Variants in CSMD1 observed in about 807,000 individuals in gnomAD.
CSMD1 encodes CUB and sushi domain-containing protein 1.
CSMD1 carries 213 observed loss-of-function variants against 417.5 expected under a neutral mutation model. The observed-to-expected ratio is 0.51, with a 90% confidence interval of 0.46 to 0.57. The LOEUF (loss-of-function observed/expected upper bound fraction) is 0.57. CSMD1 is among the 20% of genes least tolerant of loss of function. The probability of loss-of-function intolerance (pLI) is 0.00; values close to 1 mark genes in which losing one functional copy is unlikely to be tolerated. For missense variants in CSMD1, 6,923 were observed against 4,529.7 expected (o/e 1.53, Z -15.17); for synonymous variants, 2,862 against 1,736.8 (o/e 1.65, Z -16.11).
intron 3 of CSMD1, among the ~76,000 whole-genome samples, chr8:4,336,558 G>C (rs1000227100): frequency 6.6e-6 from 1 of 152,142 alleles, no homozygotes; most frequent in Non-Finnish European, 1.5e-5. Context: ...TTTTCTAGAT[G>C]GTTTCCAGTG....
intron 12 of CSMD1, among the ~76,000 whole-genome samples, chr8:3,452,390 G>C (rs531366654): frequency 1.3e-5 from 2 of 152,258 alleles, no homozygotes; most frequent in Admixed American, 6.5e-5. Context: ...CTCCTGTCTT[G>C]TGCCAGTTTT....
chr8:4,841,242 G>T (rs1319736146), intron 1 of CSMD1, among the ~76,000 whole-genome samples: 1 of 152,216 alleles, frequency 6.6e-6, no homozygotes, highest in East Asian at 1.9e-4. Flanking sequence ...AAGTGCAATG[G>T]CATGTTTCAC....
intron 2 of CSMD1, among the ~76,000 whole-genome samples, chr8:4,591,857 G>A (rs1232673389): frequency 6.6e-6 from 1 of 152,136 alleles, no homozygotes; most frequent in Non-Finnish European, 1.5e-5. Context: ...GCAGAGGGGA[G>A]AAAGTAATGA....
At chr8:3,010,615 G>A (rs925232457) in intron 52 of CSMD1, among the ~76,000 whole-genome samples, 17 of 152,062 alleles carry the variant, frequency 1.1e-4, no homozygotes, top group Non-Finnish European at 2.5e-4. Context: ...CTGCTTGCTG[G>A]AATTCCACCC....
At chr8:3,488,186 T>A (rs1010835836) in intron 11 of CSMD1, among the ~76,000 whole-genome samples, 5 of 152,056 alleles carry the variant, frequency 3.3e-5, no homozygotes, top group Admixed American at 1.3e-4. Flanking sequence ...CACTGCAGCC[T>A]TGATCTCCTG....
intron 65 of CSMD1, among the ~76,000 whole-genome samples, chr8:2,953,808 A>G (rs1399076860): frequency 6.6e-6 from 1 of 152,242 alleles, no homozygotes; most frequent in Non-Finnish European, 1.5e-5. Flanking sequence ...ATTGGGCTCC[A>G]TGTCTGAACT....
chr8:3,020,970 G>A (rs530096039), intron 51 of CSMD1, among the ~76,000 whole-genome samples: 2 of 152,294 alleles, frequency 1.3e-5, no homozygotes, highest in African/African-American at 2.4e-5. Context: ...TTTTCATTAA[G>A]CCTTTTCCCA....
chr8:3,063,888 G>C (rs1280104552), intron 49 of CSMD1, among the ~76,000 whole-genome samples: 1 of 152,200 alleles, frequency 6.6e-6, no homozygotes, highest in Non-Finnish European at 1.5e-5. Context: ...TAGTCCACCA[G>C]AGATGGACAG....
chr8:4,509,884 T>TCGCC (rs1258656125), intron 2 of CSMD1, among the ~76,000 whole-genome samples: 2 of 152,142 alleles, frequency 1.3e-5, no homozygotes, highest in African/African-American at 4.8e-5. Flanking sequence ...CCAGCTCCTG[T>TCGCC]CGCCCTGACA....
At chr8:3,201,547 C>A in intron 32 of CSMD1, 65 bp downstream of exon 32, 1 of 783,804 alleles carries the variant, frequency 1.3e-6, no homozygotes, top group Non-Finnish European at 2.0e-6. Flanking sequence ...AAGAAACAGA[C>A]AAGTTAAAAA....
At chr8:4,161,801 G>A (rs1405992124) in intron 3 of CSMD1, among the ~76,000 whole-genome samples, 4 of 151,956 alleles carry the variant, frequency 2.6e-5, no homozygotes, top group Non-Finnish European at 4.4e-5. Flanking sequence ...AACAAAATTT[G>A]TTCATTTTTT....
intron 7 of CSMD1, among the ~76,000 whole-genome samples, chr8:3,669,918 G>T (rs560083623): frequency 1.3e-5 from 2 of 152,278 alleles, no homozygotes; most frequent in South Asian, 4.1e-4. Flanking sequence ...TTGAGGAAAT[G>T]AAGATGTTTG....
chr8:4,498,215 G>T (rs1024017879), intron 2 of CSMD1, among the ~76,000 whole-genome samples: 8 of 152,160 alleles, frequency 5.3e-5, no homozygotes, highest in Non-Finnish European at 7.3e-5. Flanking sequence ...GGGGTTGAAC[G>T]ATGATTGTTG....
At chr8:4,439,796 A>T (rs146501359) in intron 2 of CSMD1, among the ~76,000 whole-genome samples, 1 of 152,312 alleles carries the variant, frequency 6.6e-6, no homozygotes, top group East Asian at 1.9e-4. Context: ...TGACTTTGAG[A>T]AGAGATGTAA....
At chr8:4,491,597 C>T (rs1801705233) in intron 2 of CSMD1, among the ~76,000 whole-genome samples, 1 of 152,020 alleles carries the variant, frequency 6.6e-6, no homozygotes, top group Non-Finnish European at 1.5e-5. Context: ...ACAGACACCT[C>T]ATGAAAAAAG....
intron 3 of CSMD1, among the ~76,000 whole-genome samples, chr8:4,105,076 G>A (rs570539754): frequency 6.6e-6 from 1 of 152,102 alleles, no homozygotes; most frequent in Admixed American, 6.5e-5. Context: ...GAAATTTAAA[G>A]TAAAGACAGC....
chr8:3,233,487 G>A (rs1798967707), intron 26 of CSMD1, among the ~76,000 whole-genome samples: 1 of 152,186 alleles, frequency 6.6e-6, no homozygotes, highest in Non-Finnish European at 1.5e-5. Flanking sequence ...CAGATATTCT[G>A]TTATAAGCAG....
intron 1 of CSMD1, among the ~76,000 whole-genome samples, chr8:4,772,566 G>T (rs1796655704): frequency 6.6e-6 from 1 of 152,186 alleles, no homozygotes; most frequent in African/African-American, 2.4e-5. Flanking sequence ...ATGTCTTAAA[G>T]TGTATTGAAA....
intron 3 of CSMD1, among the ~76,000 whole-genome samples, chr8:4,308,392 T>G (rs1798368540): frequency 6.6e-6 from 1 of 151,716 alleles, no homozygotes; most frequent in African/African-American, 2.4e-5. Flanking sequence ...GTCTGTGGTG[T>G]ATTCGTGCAT....
Sources: allele counts gnomAD v4.1 joint callset (sites outside exome capture counted in the v4.1 genomes callset), GRCh38; gene constraint gnomAD v4.1.1; transcripts MANE v1.5; gene names NCBI Gene and HGNC (gene_info 2026-07-23, HGNC 2026-07-21).